The following CTNNA3 variants were observed in gnomAD, a reference collection of about 807,000 sequenced individuals.
CTNNA3 encodes the protein catenin alpha-3.
In CTNNA3, 76 loss-of-function variants were observed where a neutral mutation model predicts 95.7. The observed-to-expected ratio is 0.79, with a 90% confidence interval of 0.66 to 0.96. CTNNA3 has a LOEUF of 0.96. Among genes scored for constraint, CTNNA3 ranks in the 40% least tolerant of loss-of-function variants. The pLI is 0.00. For missense variants in CTNNA3, 1,191 were observed against 1,089.8 expected, an observed-to-expected ratio of 1.09 and a Z score of -1.31; for synonymous variants, 431 against 374.4, an observed-to-expected ratio of 1.15 and a Z score of -1.74.
At chr10:66,896,105 T>TATAAA (rs761013061) in intron 7 of CTNNA3, among the ~76,000 whole-genome samples, 8 of 151,748 alleles carry the variant, frequency 5.3e-5, no homozygotes, top group Non-Finnish European at 7.4e-5. Context: ...CTCAAAAAAA[T>TATAAA]ATAAAATAAA....
intron 13 of CTNNA3, among the ~76,000 whole-genome samples, chr10:66,238,992 T>C (rs187031925): frequency 8.2e-4 from 124 of 151,900 alleles, no homozygotes; most frequent in Non-Finnish European, 3.0e-5. Flanking sequence ...TCTAATGCCA[T>C]TCAGTAAATG....
chr10:66,311,016 C>T (rs2092013111), intron 12 of CTNNA3, among the ~76,000 whole-genome samples: 1 of 152,092 alleles, frequency 6.6e-6, no homozygotes, highest in Non-Finnish European at 1.5e-5. Flanking sequence ...TTCACTTTTT[C>T]CTAGACTGTT....
At chr10:66,345,051 G>A (rs1454728956) in intron 12 of CTNNA3, among the ~76,000 whole-genome samples, 1 of 152,008 alleles carries the variant, frequency 6.6e-6, no homozygotes, top group East Asian at 1.9e-4. Context: ...GGAAAGAGAG[G>A]AGCAAGACTT....
At chr10:66,117,886 G>C (rs1015405533) in intron 13 of CTNNA3, among the ~76,000 whole-genome samples, 1 of 152,100 alleles carries the variant, frequency 6.6e-6, no homozygotes, top group Non-Finnish European at 1.5e-5. Flanking sequence ...TGGTGTGTGT[G>C]GATATACAGT....
At chr10:66,346,238 T>TAGAG (rs1203251107) in intron 12 of CTNNA3, among the ~76,000 whole-genome samples, 7 of 16,174 alleles carry the variant, frequency 4.3e-4, no homozygotes, top group African/African-American at 2.2e-3. Context: ...TATATATATA[T>TAGAG]ATATATATAG....
intron 7 of CTNNA3, among the ~76,000 whole-genome samples, chr10:66,908,590 T>C (rs1846091661): frequency 3.3e-5 from 5 of 152,194 alleles, no homozygotes; most frequent in Non-Finnish European, 5.9e-5. Context: ...CTAACTTGTG[T>C]CAACCATCTC....
intron 17 of CTNNA3, among the ~76,000 whole-genome samples, chr10:65,959,059 C>A (rs946565234): frequency 2.0e-5 from 3 of 152,182 alleles, no homozygotes; most frequent in Non-Finnish European, 2.9e-5. Context: ...AGCTTCCTGG[C>A]TGCTTTGTTT....
At chr10:66,822,062 T>C (rs1365066390) in intron 7 of CTNNA3, among the ~76,000 whole-genome samples, 2 of 149,600 alleles carry the variant, frequency 1.3e-5, no homozygotes, top group Non-Finnish European at 3.0e-5. Context: ...ATAAAGTATA[T>C]AATTATGTTA....
chr10:67,500,275 T>G (rs1281861773), intron 5 of CTNNA3, among the ~76,000 whole-genome samples: 1 of 152,246 alleles, frequency 6.6e-6, no homozygotes, highest in East Asian at 1.9e-4. Context: ...TCTAATTTGA[T>G]TGCACTATAG....
intron 9 of CTNNA3, among the ~76,000 whole-genome samples, chr10:66,718,399 G>A (rs1443036919): frequency 1.3e-5 from 2 of 151,884 alleles, no homozygotes; most frequent in East Asian, 3.9e-4. Flanking sequence ...TTTCTTAATA[G>A]TTCTCCATTG....
intron 5 of CTNNA3, among the ~76,000 whole-genome samples, chr10:67,481,066 G>A (rs1156951083): frequency 6.6e-6 from 1 of 152,072 alleles, no homozygotes; most frequent in Admixed American, 6.6e-5. Flanking sequence ...ATATGGTTTT[G>A]GTTTTAATTC....
At chr10:67,669,012 G>A (rs1331262979) in intron 1 of CTNNA3, among the ~76,000 whole-genome samples, 1 of 151,690 alleles carries the variant, frequency 6.6e-6, no homozygotes, top group African/African-American at 2.4e-5. Context: ...CTAATTTTTT[G>A]TATTTTTAGT....
chr10:67,262,847 A>G (rs1053482782), intron 5 of CTNNA3, among the ~76,000 whole-genome samples: 3 of 152,220 alleles, frequency 2.0e-5, no homozygotes, highest in African/African-American at 7.2e-5. Context: ...GGAAGTGAAA[A>G]ATAGCACCGC....
intron 12 of CTNNA3, among the ~76,000 whole-genome samples, chr10:66,330,552 G>A (rs2092312835): frequency 1.3e-5 from 2 of 152,040 alleles, no homozygotes; most frequent in Non-Finnish European, 2.9e-5. Context: ...TGTCTTTATA[G>A]CAGCATGTTT....
intron 13 of CTNNA3, among the ~76,000 whole-genome samples, chr10:66,148,186 C>T (rs1365494234): frequency 2.6e-5 from 4 of 151,814 alleles, no homozygotes; most frequent in African/African-American, 7.2e-5. Context: ...GCATTAATGT[C>T]GGGTCATTTA....
chr10:67,540,645 T>C (rs1319512615), intron 3 of CTNNA3, among the ~76,000 whole-genome samples: 1 of 151,960 alleles, frequency 6.6e-6, no homozygotes, highest in Non-Finnish European at 1.5e-5. Flanking sequence ...TATGAATATA[T>C]TCATATACAT....
At chr10:67,522,026 C>T (rs550731061) in intron 4 of CTNNA3, 65 bp from the exon 5 acceptor site, 156 of 1,532,792 alleles carry the variant, frequency 1.0e-4, no homozygotes, top group Non-Finnish European at 1.3e-4. Flanking sequence ...TCTCAACTTG[C>T]TAACACGAAG....
chr10:66,463,061 T>C (rs1001341753), intron 11 of CTNNA3, among the ~76,000 whole-genome samples: 1 of 152,210 alleles, frequency 6.6e-6, no homozygotes, highest in Non-Finnish European at 1.5e-5. Flanking sequence ...TCTTCTTTTC[T>C]GCATTGCTAT....
At chr10:67,136,294 ATG>A (rs1390925515) in intron 7 of CTNNA3, among the ~76,000 whole-genome samples, 1 of 152,060 alleles carries the variant, frequency 6.6e-6, no homozygotes, top group Non-Finnish European at 1.5e-5. Context: ...ATAAAGATTT[ATG>A]TGTGTGCTTC....
Sources: allele counts gnomAD v4.1 joint callset (sites outside exome capture counted in the v4.1 genomes callset), GRCh38; gene constraint gnomAD v4.1.1; transcripts MANE v1.5; gene names NCBI Gene and HGNC (gene_info 2026-07-23, HGNC 2026-07-21).